The following PTOV1 variants were observed in gnomAD, a reference collection of about 807,000 sequenced individuals.
The protein encoded by PTOV1 is prostate tumor-overexpressed gene 1 protein.
A neutral mutation model predicts 58.0 loss-of-function variants in PTOV1; 20 were observed. The ratio of observed to expected loss-of-function variants is 0.34; its 90% CI spans 0.24 to 0.50. PTOV1 has a LOEUF of 0.50. PTOV1 is among the 20% of genes least tolerant of loss of function. The pLI is 0.98. For missense variants in PTOV1, 593 were observed against 565.4 expected (o/e 1.05, Z -0.50); for synonymous variants, 335 against 234.2 (o/e 1.43, Z -3.93).
intron 1 of PTOV1, 191 bp downstream of exon 1, chr19:49,851,690 G>T: frequency 8.7e-7 from 1 of 1,154,134 alleles, no homozygotes; most frequent in Admixed American, 4.7e-5. Flanking sequence ...CCTTTGTTGC[G>T]CGTTCGGGCC....
upstream of PTOV1, chr19:49,850,811 T>C: frequency 1.3e-6 from 2 of 1,519,472 alleles, no homozygotes; most frequent in Non-Finnish European, 1.8e-6. Flanking sequence ...CCAGGCCCAT[T>C]ATTCCGTCCT....
At position 49,857,992 on chromosome 19, in the gene PTOV1, G is replaced by T. The variant is rs753558526; in HGVS notation, c.878+15G>T. 7 of 1,611,798 alleles carry T rather than the reference G, an allele frequency of 4.3e-6. No homozygotes were observed. Among genetic ancestry groups the T allele is most frequent in the African/African-American group, 2.7e-5 (2 of 74,938 alleles). On this transcript the variant is annotated intron_variant, in intron 8 of 11. Coordinates refer to ENST00000391842, the Ensembl canonical transcript of PTOV1. Reference sequence around the variant, plus strand: ...GGGGAGATCCTGTGAGTGCTGGGCTGGGGGGTGGAGGCAGCATCCAGGGGA... The same window carrying T: ...GGGGAGATCCTGTGAGTGCTGGGCTTGGGGGTGGAGGCAGCATCCAGGGGA...
chr19:49,859,743 A>G (rs1167572946), intron 10 of PTOV1: 1 of 557,940 alleles, frequency 1.8e-6, no homozygotes, highest in South Asian at 2.0e-5. Flanking sequence ...TGGCCTGCCC[A>G]GGAGCTCTGA....
Position 49,860,085 on chromosome 19 carries a change from C to T in PTOV1, c.1141C>T (p.His381Tyr), listed in dbSNP as rs770323153. ...GAAAATCTTCATTGGCCTCATCCCC[C>T]ATGACCAGGGCAACTTTGTCAACGG... The change falls in exon 11 of 12, where the codon CAT (histidine) becomes TAT (tyrosine). Residue 381 changes from histidine (H) to tyrosine (Y), a missense_variant. By Grantham distance (83) the His-to-Tyr change is moderately conservative. Coordinates refer to ENST00000391842, the Ensembl canonical transcript of PTOV1. 5.0e-6 allele frequency: 8 copies of T among 1,614,124 alleles called. No homozygotes were observed. In the South Asian group the frequency reaches 7.7e-5, roughly 16 times the overall value.
intron 2 of PTOV1, 25 bp downstream of exon 2, chr19:49,854,568 G>C (rs770692076): frequency 6.2e-7 from 1 of 1,612,408 alleles, no homozygotes; most frequent in Non-Finnish European, 8.5e-7. Context: ...GGCTGCGGCT[G>C]GCCTCCAGGG....
In PTOV1 at chr19:49,851,504, G is replaced by A; in HGVS notation, c.171+5G>A. 3 of 1,211,704 alleles carry A rather than the reference G, an allele frequency of 2.5e-6. No homozygotes were observed. Among genetic ancestry groups the A allele is most frequent in the Non-Finnish European group, 3.1e-6 (3 of 973,332 alleles). The allele number at this position is 1,211,704 out of a possible 1,614,324, so 75.1% of individuals were successfully genotyped here. ...GCCCGCTCGGCCCCTCCCATGGTGA[G>A]CCCCCCGCCCTTTTTCCAGAGCCTT... On this transcript the variant is annotated splice_donor_5th_base_variant and intron_variant, in intron 1 of 11. Coordinates refer to ENST00000391842, the Ensembl canonical transcript of PTOV1.
At chr19:49,853,839 C>A (rs1359523120) in intron 1 of PTOV1, among the ~76,000 whole-genome samples, 1 of 152,140 alleles carries the variant, frequency 6.6e-6, no homozygotes, top group African/African-American at 2.4e-5. Context: ...TCATCTCCTT[C>A]CTGCCTCCCC....
exon 1 of PTOV1, chr19:49,851,185 C>A: frequency 8.2e-7 from 1 of 1,222,348 alleles, no homozygotes; most frequent in Non-Finnish European, 1.0e-6. Context: ...CGACCCCACT[C>A]CGGCGGCGCG....
chr19:49,851,910 C>T (rs1169145011), intron 1 of PTOV1: 25 of 978,584 alleles, frequency 2.6e-5, no homozygotes, highest in Non-Finnish European at 3.0e-5. Flanking sequence ...GCGCTTTGTA[C>T]CAGCGCCCCC....
intron 1 of PTOV1, chr19:49,852,431 C>T (rs1461305087): frequency 6.6e-6 from 1 of 152,242 alleles, no homozygotes; most frequent in African/African-American, 2.4e-5. Flanking sequence ...TTTCCGGGTC[C>T]TCAGACATGC....
chr19:49,858,526 G>C (rs2122255270), intron 9 of PTOV1, 23 bp from the exon 10 acceptor site: 1 of 1,561,436 alleles, frequency 6.4e-7, no homozygotes, highest in South Asian at 1.2e-5. Context: ...GCCAGAGCTG[G>C]GGGTCCCCTC....
rs1322024019 is a variant in PTOV1 at position 49,857,787 on chromosome 19, G to T, written c.804+5G>T. Reference sequence around the variant, plus strand: ...GGTGTCATGGAGTGGCAGGAGGTGAGCACTCGGCAGCCCAGGGACTTGGGA... The same window carrying T: ...GGTGTCATGGAGTGGCAGGAGGTGATCACTCGGCAGCCCAGGGACTTGGGA... On this transcript the variant is annotated splice_donor_5th_base_variant and intron_variant, in intron 7 of 11. Transcript: ENST00000391842. 6.2e-7 allele frequency: 1 copy of T among 1,613,890 alleles called. No homozygotes were observed. Among genetic ancestry groups the T allele is most frequent in the Admixed American group, 1.7e-5 (1 of 59,974 alleles).
At chr19:49,860,454 AGTCCCAGCG>A (rs2074706932) in exon 12 of PTOV1, 2 of 1,001,736 alleles carry the variant, frequency 2.0e-6, no homozygotes, top group Non-Finnish European at 1.4e-6. Flanking sequence ...GAGAGGCAGC[AGTCCCAGCG>A]GTCCTAGGCT....
Position 49,859,979 on chromosome 19 carries a change from C to T in PTOV1, c.1042-7C>T, listed in dbSNP as rs368461546. ...TGTCTGGTGACACCACGCCCTGTGC[C>T]TGCCAGGCCGGCTGCGTGCACTTTT... On this transcript the variant is annotated splice_polypyrimidine_tract_variant and splice_region_variant and intron_variant, in intron 10 of 11. Coordinates refer to ENST00000391842, the Ensembl canonical transcript of PTOV1. 4 of 1,614,034 alleles carry T rather than the reference C, an allele frequency of 2.5e-6. No homozygotes were observed. Among genetic ancestry groups the T allele is most frequent in the African/African-American group, 1.3e-5 (1 of 75,066 alleles).
exon 1 of PTOV1, chr19:49,851,238 GCGCGCCCGCGCC>G (rs1022063717): frequency 8.8e-7 from 1 of 1,131,242 alleles, no homozygotes; most frequent in African/African-American, 1.7e-5. Flanking sequence ...CCCCGAAGCC[GCGCGCCCGCGCC>G]CGCGCCCCTC....
At chr19:49,851,264 C>A in exon 1 of PTOV1, 1 of 1,098,898 alleles carries the variant, frequency 9.1e-7, no homozygotes, top group South Asian at 4.3e-5. Flanking sequence ...GCCCCTCAGT[C>A]GGTGGAGCCC....
Position 49,854,967 on chromosome 19 carries a change from C to A in PTOV1, c.451-3C>A. The stretch of plus-strand genomic sequence containing the variant: ...ACCCAGCTGTCTGTCCTGTCGCCCC[C>A]AGACCACCCTGGGCCCCCTGTTCCG... On this transcript the variant is annotated splice_polypyrimidine_tract_variant and splice_region_variant and intron_variant, in intron 4 of 11. Transcript: ENST00000391842. 6.2e-7 allele frequency: 1 copy of A among 1,600,328 alleles called. No homozygotes were observed. The highest frequency in any genetic ancestry group is 1.3e-5 in the African/African-American group (1 of 74,572).
exon 6 of PTOV1, chr19:49,857,106 G>A: frequency 1.2e-6 from 2 of 1,614,038 alleles, no homozygotes; most frequent in South Asian, 2.2e-5. Context: ...GTGCCATCCG[G>A]CAGGTCATCA....
chr19:49,856,528 C>T (rs1353009821), intron 5 of PTOV1: 1 of 183,890 alleles, frequency 5.4e-6, no homozygotes, highest in East Asian at 1.5e-4. Context: ...CTTTATGTGG[C>T]ACCAACTGTG....
Sources: allele counts gnomAD v4.1 joint callset (sites outside exome capture counted in the v4.1 genomes callset), GRCh38; gene constraint gnomAD v4.1.1; transcripts MANE v1.5; gene names NCBI Gene and HGNC (gene_info 2026-07-23, HGNC 2026-07-21).